The following NKAIN2 variants were observed in gnomAD, a reference collection of about 807,000 sequenced individuals.
NKAIN2 encodes sodium/potassium-transporting ATPase subunit beta-1-interacting protein 2.
A neutral mutation model predicts 32.6 loss-of-function variants in NKAIN2; 14 were observed. The observed-to-expected ratio is 0.43, with a 90% CI of 0.28 to 0.67. The LOEUF (loss-of-function observed/expected upper bound fraction) is 0.67, where lower values mean the gene tolerates loss of function less well. Ranked by LOEUF, NKAIN2 falls within the 30% of genes least tolerant of loss-of-function variation. NKAIN2 has a pLI of 0.17. For synonymous variants in NKAIN2, 80 were observed against 87.2 expected (o/e 0.92, Z 0.46); for missense variants, 198 against 258.3 (o/e 0.77, Z 1.60).
chr6:124,720,025 A>C (rs996835195), intron 4 of NKAIN2, among the ~76,000 whole-genome samples: 1 of 152,182 alleles, frequency 6.6e-6, no homozygotes, highest in Non-Finnish European at 1.5e-5. Flanking sequence ...TTTGCTGATT[A>C]GATCCTCATT....
chr6:124,058,143 T>C (rs992985886), intron 1 of NKAIN2, among the ~76,000 whole-genome samples: 3 of 151,516 alleles, frequency 2.0e-5, no homozygotes, highest in African/African-American at 7.3e-5. Flanking sequence ...AGAAAACTTC[T>C]AGAAATGTTT....
chr6:124,465,643 A>AG (rs1776721530), intron 3 of NKAIN2, among the ~76,000 whole-genome samples: 1 of 151,400 alleles, frequency 6.6e-6, no homozygotes, highest in African/African-American at 2.4e-5. Context: ...AAAAAAAAAA[A>AG]AAAGAAATTC....
chr6:124,247,423 T>C (rs1467007680), intron 1 of NKAIN2, among the ~76,000 whole-genome samples: 1 of 152,156 alleles, frequency 6.6e-6, no homozygotes, highest in African/African-American at 2.4e-5. Context: ...TTATTTCTTT[T>C]CCGCAATTTC....
intron 3 of NKAIN2, among the ~76,000 whole-genome samples, chr6:124,596,787 A>G (rs1583494132): frequency 6.6e-6 from 1 of 152,020 alleles, no homozygotes; most frequent in African/African-American, 2.4e-5. Flanking sequence ...ATATCTCTAT[A>G]TAAGAGATTT....
At chr6:124,032,267 G>A (rs532483268) in intron 1 of NKAIN2, among the ~76,000 whole-genome samples, 3 of 119,456 alleles carry the variant, frequency 2.5e-5, no homozygotes, top group Non-Finnish European at 5.1e-5. Flanking sequence ...GTCGTGGGGT[G>A]GGGGGAGGGG....
chr6:124,276,339 AC>A (rs1416333853), intron 1 of NKAIN2, among the ~76,000 whole-genome samples: 1 of 146,416 alleles, frequency 6.8e-6, no homozygotes, highest in African/African-American at 2.6e-5. Flanking sequence ...CACCATCCTA[AC>A]AAGTATGTAC....
chr6:123,815,423 C>G (rs1773652546), intron 1 of NKAIN2, among the ~76,000 whole-genome samples: 1 of 152,114 alleles, frequency 6.6e-6, no homozygotes, highest in South Asian at 2.1e-4. Flanking sequence ...CTTGATGCAA[C>G]ATTACTTCCA....
At chr6:123,875,343 T>C (rs1773123341) in intron 1 of NKAIN2, among the ~76,000 whole-genome samples, 1 of 152,054 alleles carries the variant, frequency 6.6e-6, no homozygotes, top group African/African-American at 2.4e-5. Flanking sequence ...TATGCCTTGT[T>C]AATTTTTGCC....
chr6:124,445,702 A>G (rs1051520092), intron 3 of NKAIN2, among the ~76,000 whole-genome samples: 8 of 151,982 alleles, frequency 5.3e-5, no homozygotes, highest in African/African-American at 1.7e-4. Context: ...ACTGAAAACC[A>G]TGTATTACTG....
intron 3 of NKAIN2, among the ~76,000 whole-genome samples, chr6:124,472,609 G>A (rs571092609): frequency 2.0e-5 from 3 of 151,924 alleles, no homozygotes; most frequent in Non-Finnish European, 2.9e-5. Context: ...TTCGAGCATC[G>A]TGATTAGCAT....
intron 3 of NKAIN2, among the ~76,000 whole-genome samples, chr6:124,539,178 A>G (rs927085761): frequency 7.2e-6 from 1 of 139,012 alleles, no homozygotes; most frequent in African/African-American, 2.5e-5. Flanking sequence ...GTATAATCAG[A>G]GATATTTAAT....
intron 1 of NKAIN2, among the ~76,000 whole-genome samples, chr6:123,822,220 C>A (rs748816511): frequency 6.6e-6 from 1 of 152,096 alleles, no homozygotes; most frequent in African/African-American, 2.4e-5. Context: ...AAAAAAACTC[C>A]TAGTGTTCTG....
At chr6:124,722,329 T>C (rs1177748914) in intron 4 of NKAIN2, among the ~76,000 whole-genome samples, 1 of 152,206 alleles carries the variant, frequency 6.6e-6, no homozygotes, top group Non-Finnish European at 1.5e-5. Flanking sequence ...TGGGCATATA[T>C]CCAAAAGTGG....
intron 3 of NKAIN2, among the ~76,000 whole-genome samples, chr6:124,357,490 A>G (rs906992899): frequency 2.0e-5 from 3 of 152,136 alleles, no homozygotes; most frequent in Non-Finnish European, 2.9e-5. Flanking sequence ...TGATAATACT[A>G]AAAGAATGTA....
rs1389534203 is a variant in NKAIN2, at chr6:124,488,178, A to G, written c.273+132831A>G. On this transcript the variant is annotated intron_variant, in intron 3 of 6. Coordinates refer to ENST00000368417, the MANE Select transcript of NKAIN2 (RefSeq NM_001040214.3). ...GAAGCCACAATACTGTATTTAGAAT[A>G]ATAATAAGACAAGGAATAATGGCAT... 2.0e-5 allele frequency among the ~76,000 whole-genome samples: 3 copies of G among 152,052 alleles called. No individual in the cohort carries two copies. In the East Asian group the frequency reaches 5.8e-4, roughly 29 times the overall value.
chr6:124,767,228 C>T lies in NKAIN2; in HGVS notation c.475-24111C>T, dbSNP rs1270816419. Among the ~76,000 whole-genome samples the T allele has an allele frequency of 2.0e-5, 3 of 151,848 alleles. No homozygotes were observed. In the East Asian group the frequency reaches 5.8e-4, roughly 29 times the overall value. On this transcript the variant is annotated intron_variant, in intron 4 of 6. Coordinates refer to ENST00000368417, the MANE Select transcript of NKAIN2 (RefSeq NM_001040214.3). ...TCTTTCTTAGCTTTTCTGTTTCATC[C>T]TATGCTTAAGTAATTTCTGATTTAT...
intron 3 of NKAIN2, among the ~76,000 whole-genome samples, chr6:124,644,279 T>C (rs1436874685): frequency 1.3e-5 from 2 of 152,208 alleles, no homozygotes; most frequent in Non-Finnish European, 2.9e-5. Context: ...AACATATAAT[T>C]ATGAAAGTTT....
intron 1 of NKAIN2, among the ~76,000 whole-genome samples, chr6:123,911,801 G>GTATA (rs200270867): frequency 1.1e-3 from 64 of 58,374 alleles, no homozygotes; most frequent in South Asian, 4.7e-3. Flanking sequence ...ATATATATAT[G>GTATA]TATATATATA....
At chr6:123,892,608 A>C (rs1235489832) in intron 1 of NKAIN2, among the ~76,000 whole-genome samples, 2 of 152,104 alleles carry the variant, frequency 1.3e-5, no homozygotes, top group Admixed American at 6.5e-5. Flanking sequence ...ACACAGACCC[A>C]AACCGTATCA....
Sources: allele counts gnomAD v4.1 joint callset (sites outside exome capture counted in the v4.1 genomes callset), GRCh38; gene constraint gnomAD v4.1.1; transcripts MANE v1.5; gene names NCBI Gene and HGNC (gene_info 2026-07-23, HGNC 2026-07-21).